Variants in JMJD7 observed in about 807,000 individuals in gnomAD.
JMJD7 encodes the protein jumonji domain containing 7, also known as bifunctional peptidase and (3S)-lysyl hydroxylase JMJD7.
JMJD7 carries 41 observed loss-of-function variants against 41.1 expected under a neutral mutation model. The observed-to-expected ratio is 1.00, with a 90% CI of 0.78 to 1.30. JMJD7 has a LOEUF of 1.30. Among genes scored for constraint, JMJD7 ranks in the 50% most tolerant of loss-of-function variants. JMJD7 has a pLI of 0.00. For synonymous variants in JMJD7, 202 were observed against 177.2 expected, an observed-to-expected ratio of 1.14 and a Z score of -1.11; for missense variants, 480 against 420.7, an observed-to-expected ratio of 1.14 and a Z score of -1.23.
chr15:41,830,029 C>G (rs2065205946), intron 1 of JMJD7, among the ~76,000 whole-genome samples: 1 of 152,174 alleles, frequency 6.6e-6, no homozygotes, highest in South Asian at 2.1e-4. Flanking sequence ...TGGGGAGGCA[C>G]AAGTCGGGCA....
At chr15:41,837,005 A>C in intron 7 of JMJD7, 63 bp from the exon 8 acceptor site, 1 of 1,606,782 alleles carries the variant, frequency 6.2e-7, no homozygotes, top group Non-Finnish European at 8.5e-7. Flanking sequence ...CTCTGGGGGG[A>C]GGCTTGGGAG....
At chr15:41,833,111 G>A (rs1334505666) in intron 1 of JMJD7, among the ~76,000 whole-genome samples, 2 of 152,166 alleles carry the variant, frequency 1.3e-5, no homozygotes, top group Non-Finnish European at 2.9e-5. Context: ...GACAATATGA[G>A]ATTGTATTTT....
intron 1 of JMJD7, among the ~76,000 whole-genome samples, chr15:41,830,343 A>G (rs2065211445): frequency 6.6e-6 from 1 of 152,240 alleles, no homozygotes; most frequent in African/African-American, 2.4e-5. Context: ...ACACAGGACT[A>G]CTAGGCTCAT....
chr15:41,828,701 G>C (rs928574944), intron 1 of JMJD7, among the ~76,000 whole-genome samples: 13 of 152,056 alleles, frequency 8.5e-5, no homozygotes, highest in Non-Finnish European at 1.5e-4. Context: ...ACAGGCTCAT[G>C]TGTATGTGAT....
intron 5 of JMJD7, 104 bp downstream of exon 5, chr15:41,836,347 G>A (rs1355553051): frequency 6.4e-7 from 1 of 1,564,422 alleles, no homozygotes; most frequent in Admixed American, 1.8e-5. Flanking sequence ...AGGTGTGGCT[G>A]TGGCATCCCC....
chr15:41,834,241 A>AG (rs1205647121), intron 1 of JMJD7, among the ~76,000 whole-genome samples: 1 of 152,232 alleles, frequency 6.6e-6, no homozygotes. Flanking sequence ...CATCCCTGAT[A>AG]GCCCCAGATT....
intron 6 of JMJD7, 69 bp from the exon 7 acceptor site, chr15:41,836,712 T>A (rs894458519): frequency 6.6e-7 from 1 of 1,514,692 alleles, no homozygotes; most frequent in Non-Finnish European, 8.9e-7. Context: ...TGTTGACCTT[T>A]GGAAGGGACA....
chr15:41,834,651 G>A (rs531915868), intron 1 of JMJD7, 89 bp from the exon 2 acceptor site: 61 of 1,545,294 alleles, frequency 3.9e-5, no homozygotes, highest in East Asian at 3.2e-4. Flanking sequence ...GTGACACAGC[G>A]CGGCCTTTCC....
chr15:41,833,481 C>G (rs939335961), intron 1 of JMJD7, among the ~76,000 whole-genome samples: 1 of 134,308 alleles, frequency 7.4e-6, no homozygotes, highest in Non-Finnish European at 1.5e-5. Context: ...AGTGCAGTGG[C>G]ACGATGATAG....
chr15:41,837,002 G>A, intron 7 of JMJD7, 62 bp downstream of exon 7: 2 of 1,607,726 alleles, frequency 1.2e-6, no homozygotes, highest in Non-Finnish European at 1.7e-6. Context: ...GGCCTCTGGG[G>A]GGAGGCTTGG....
Position 41,833,415 on chromosome 15 carries a change from T to TATATATATATATATATATA in JMJD7, c.65-1325_65-1324insATATATATATATATATATA, listed in dbSNP as rs1555457127. ...ATACATATATATATATATATATATA[T>TATATATATATATATATATA]TTTTTTTTTTTTTTTTTTTTTTTGA... On this transcript the variant is annotated intron_variant, in intron 1 of 7. Transcript: ENST00000397299. Among the ~76,000 whole-genome samples, 23 of 23,272 alleles carry TATATATATATATATATATA rather than the reference T, an allele frequency of 9.9e-4. 1 individual carries two copies. Among genetic ancestry groups the TATATATATATATATATATA allele is most frequent in the South Asian group, 1.7e-3 (1 of 578 alleles). The allele number at this position is 23,272 out of a possible 152,430, so 15.3% of individuals were successfully genotyped here.
Position 41,828,904 on chromosome 15 carries a change from C to T in JMJD7, c.64+716C>T, listed in dbSNP as rs540089813. Among the ~76,000 whole-genome samples the T allele has an allele frequency of 3.4e-4, 52 of 152,312 alleles. 1 individual carries two copies. Among genetic ancestry groups the T allele is most frequent in the African/African-American group, 1.2e-3 (50 of 41,558 alleles). ...TGGAGATCATTTCACATTCCTCTACCTCAGTCTTTTTCACGTCTGTGTGCT... is the reference window on the plus strand; with the variant it reads ...TGGAGATCATTTCACATTCCTCTACTTCAGTCTTTTTCACGTCTGTGTGCT... On this transcript the variant is annotated intron_variant, in intron 1 of 7. Coordinates refer to ENST00000397299, the MANE Select transcript of JMJD7 (RefSeq NM_001114632.2).
chr15:41,836,485 G>T lies in JMJD7; in HGVS notation c.636G>T (p.Thr212=). ...TCCCTTGGGCTCCAGAGCTGTACAC[G>T]CCGGCAACCTACCAGCTAACTGAAG... ...DRPFIPYELY[T]PATYQLTEEG... Residue 212 remains threonine (T), a synonymous_variant, in exon 6 of 8, where the codon ACG becomes ACT. Coordinates refer to ENST00000397299, the MANE Select transcript of JMJD7 (RefSeq NM_001114632.2). The T allele has an allele frequency of 6.3e-7, 1 of 1,586,470 alleles. No individual in the cohort carries two copies. The highest frequency in any genetic ancestry group is 8.6e-7 in the Non-Finnish European group (1 of 1,165,716).
At chr15:41,828,389 C>T (rs895129599) in intron 1 of JMJD7, 3 of 567,908 alleles carry the variant, frequency 5.3e-6, no homozygotes, top group Non-Finnish European at 8.2e-6. Flanking sequence ...CACGTTGTTC[C>T]CAAGGCCCGG....
chr15:41,837,279 G>T lies in JMJD7; in HGVS notation c.*123G>T. On this transcript the variant is annotated 3_prime_UTR_variant, in exon 8 of 8. Transcript: ENST00000397299. ...GGCTGCTGGCCCCGGGTCCAGCATG[G>T]CTTGAGATCAGCTTTGGAGGATCTT... is the stretch of plus-strand genomic sequence containing the variant. 1 of 663,278 alleles carries T rather than the reference G, an allele frequency of 1.5e-6. No individual in the cohort carries two copies. The highest frequency in any genetic ancestry group is 2.6e-6 in the Non-Finnish European group (1 of 380,386). The allele number at this position is 663,278 out of a possible 1,614,324, so 41.1% of individuals were successfully genotyped here.
At chr15:41,836,047 C>G in intron 4 of JMJD7, 101 bp from the exon 5 acceptor site, 1 of 1,281,074 alleles carries the variant, frequency 7.8e-7, no homozygotes, top group Non-Finnish European at 1.1e-6. Flanking sequence ...TCTCTTTTGT[C>G]ATAGGACGTC....
At chr15:41,830,857 G>A (rs1318889071) in intron 1 of JMJD7, among the ~76,000 whole-genome samples, 2 of 152,212 alleles carry the variant, frequency 1.3e-5, no homozygotes, top group African/African-American at 2.4e-5. Flanking sequence ...GGGTGCCAAC[G>A]AGCATGGGAG....
chr15:41,836,465 T>G lies in JMJD7; in HGVS notation c.626-10T>G, dbSNP rs778985416. On this transcript the variant is annotated splice_polypyrimidine_tract_variant and intron_variant, in intron 5 of 7. Coordinates refer to ENST00000397299, the MANE Select transcript of JMJD7 (RefSeq NM_001114632.2). ...GCAATTCCCCCACACCCTTCTCCCT[T>G]GGGCTCCAGAGCTGTACACGCCGGC... The G allele has an allele frequency of 3.8e-6, 6 of 1,574,882 alleles. No individual in the cohort carries two copies. The highest frequency in any genetic ancestry group is 1.2e-5 in the South Asian group (1 of 86,060).
intron 4 of JMJD7, 115 bp downstream of exon 4, chr15:41,835,759 T>C (rs1335826525): frequency 1.5e-6 from 2 of 1,330,504 alleles, no homozygotes; most frequent in Non-Finnish European, 2.0e-6. Flanking sequence ...TTCTCTAAGA[T>C]TTCTTTTGGC....
Sources: allele counts gnomAD v4.1 joint callset (sites outside exome capture counted in the v4.1 genomes callset), GRCh38; gene constraint gnomAD v4.1.1; transcripts MANE v1.5; gene names NCBI Gene and HGNC (gene_info 2026-07-23, HGNC 2026-07-21).